WWTR1: variants seen among roughly 807,000 people sequenced by gnomAD.
WWTR1 encodes WW domain containing transcription regulator 1.
A neutral mutation model predicts 40.1 loss-of-function variants in WWTR1; 13 were observed. The observed-to-expected ratio is 0.32, with a 90% CI of 0.21 to 0.52. The LOEUF (loss-of-function observed/expected upper bound fraction) is 0.52. Among genes scored for constraint, WWTR1 ranks in the 20% least tolerant of loss-of-function variants. The pLI, the probability that WWTR1 is intolerant of heterozygous loss-of-function variation, is 0.97. For synonymous variants in WWTR1, 230 were observed against 210.1 expected, an observed-to-expected ratio of 1.09 and a Z score of -0.82; for missense variants, 436 against 523.1, an observed-to-expected ratio of 0.83 and a Z score of 1.63.
At chr3:149,673,298 T>G (rs1253452330) in intron 1 of WWTR1, among the ~76,000 whole-genome samples, 1 of 152,190 alleles carries the variant, frequency 6.6e-6, no homozygotes, top group Admixed American at 6.5e-5. Flanking sequence ...TTCAATGACG[T>G]AATTTCATAG....
intron 4 of WWTR1, among the ~76,000 whole-genome samples, chr3:149,535,617 G>C (rs1735792608): frequency 6.6e-6 from 1 of 151,330 alleles, no homozygotes; most frequent in African/African-American, 2.4e-5. Flanking sequence ...AGTGCATAAA[G>C]CAAATTTGTA....
intron 3 of WWTR1, among the ~76,000 whole-genome samples, chr3:149,545,561 A>C (rs2107943897): frequency 6.6e-6 from 1 of 152,276 alleles, no homozygotes; most frequent in East Asian, 1.9e-4. Flanking sequence ...TCACTCTATC[A>C]CCCAGGCTGG....
intron 1 of WWTR1, among the ~76,000 whole-genome samples, chr3:149,680,104 A>G (rs530337737): frequency 6.6e-6 from 1 of 152,350 alleles, no homozygotes; most frequent in Admixed American, 6.5e-5. Context: ...TTTACTGTCC[A>G]AGAGAGGTAC....
rs1310509340 is a variant in WWTR1 at position 149,622,406 on chromosome 3, T to C, written c.431+34470A>G. On this transcript the variant is annotated intron_variant, in intron 2 of 6. Coordinates refer to ENST00000360632, the MANE Select transcript of WWTR1 (RefSeq NM_015472.6). ...AAATAACATATAACAATGATAATTA[T>C]CTTTTTGTACTTACAACCAAACCAT... Among the ~76,000 whole-genome samples, 7 of 149,088 alleles carry C rather than the reference T, an allele frequency of 4.7e-5. No individual in the cohort carries two copies. In the East Asian group the frequency reaches 1.4e-3, roughly 29 times the overall value.
chr3:149,643,450 A>C (rs1312739616), intron 2 of WWTR1, among the ~76,000 whole-genome samples: 1 of 152,212 alleles, frequency 6.6e-6, no homozygotes, highest in East Asian at 1.9e-4. Flanking sequence ...AGTAATGATC[A>C]TATCAATTAG....
At chr3:149,606,468 T>A (rs1028960023) in intron 2 of WWTR1, among the ~76,000 whole-genome samples, 1 of 152,132 alleles carries the variant, frequency 6.6e-6, no homozygotes, top group Non-Finnish European at 1.5e-5. Flanking sequence ...AACATTATAA[T>A]ATATAGGTCA....
chr3:149,563,010 C>T (rs187366794), intron 3 of WWTR1, among the ~76,000 whole-genome samples: 26 of 152,190 alleles, frequency 1.7e-4, no homozygotes, highest in African/African-American at 2.9e-4. Context: ...CAAACCACCT[C>T]GAATCCCACT....
chr3:149,656,779 TCTCTCTCTCTCTCACA>T, intron 2 of WWTR1, 81 bp downstream of exon 2: 1 of 1,046,182 alleles, frequency 9.6e-7, no homozygotes, highest in Non-Finnish European at 1.3e-6. Flanking sequence ...TCTCTCTCTC[TCTCTCTCTCTCTCACA>T]CACACACACA....
At position 149,605,231 on chromosome 3, in the gene WWTR1, ATC is replaced by A. The variant is rs1423381390; in HGVS notation, c.432-32233_432-32232del. ...TTCAAAGCACATGCATAATTAAGAC[ATC>A]TGTCTTTTTAGAAAATCACTTTGGC... On this transcript the variant is annotated intron_variant, in intron 2 of 6. Transcript: ENST00000360632. Among the ~76,000 whole-genome samples the A allele has an allele frequency of 4.6e-5, 7 of 152,170 alleles. No homozygotes were observed. In the East Asian group the frequency reaches 1.2e-3, roughly 25 times the overall value.
intron 2 of WWTR1, among the ~76,000 whole-genome samples, chr3:149,626,661 G>A (rs1370156210): frequency 2.6e-5 from 4 of 151,948 alleles, no homozygotes; most frequent in African/African-American, 9.7e-5. Flanking sequence ...CATACTCCAA[G>A]GGAAGATACC....
intron 2 of WWTR1, among the ~76,000 whole-genome samples, chr3:149,579,705 G>A (rs1738053225): frequency 6.6e-6 from 1 of 152,162 alleles, no homozygotes; most frequent in Admixed American, 6.6e-5. Context: ...CCCCATTTAA[G>A]TATAAGCAAA....
intron 3 of WWTR1, among the ~76,000 whole-genome samples, chr3:149,561,688 G>A (rs949376774): frequency 3.9e-5 from 6 of 152,152 alleles, no homozygotes; most frequent in Admixed American, 1.3e-4. Context: ...GTATCTCAAC[G>A]GAGTGGAACA....
intron 5 of WWTR1, among the ~76,000 whole-genome samples, chr3:149,527,259 A>G (rs1735364250): frequency 6.6e-6 from 1 of 151,752 alleles, no homozygotes. Flanking sequence ...GGTTCAAGCA[A>G]TTCTCAGCCT....
chr3:149,655,639 AAAC>A (rs1301831321), intron 2 of WWTR1, among the ~76,000 whole-genome samples: 4 of 152,200 alleles, frequency 2.6e-5, no homozygotes, highest in Non-Finnish European at 2.9e-5. Context: ...CCAATCTCAG[AAAC>A]AACAAAAGAA....
chr3:149,618,676 G>A (rs1032325718), intron 2 of WWTR1, among the ~76,000 whole-genome samples: 21 of 152,214 alleles, frequency 1.4e-4, no homozygotes, highest in African/African-American at 4.8e-4. Flanking sequence ...GGGTTTTGAG[G>A]AGTATATAGG....
chr3:149,622,225 G>C (rs1208816134), intron 2 of WWTR1, among the ~76,000 whole-genome samples: 1 of 151,874 alleles, frequency 6.6e-6, no homozygotes, highest in Non-Finnish European at 1.5e-5. Flanking sequence ...AGCAAATTTG[G>C]GATGTTGTTA....
At chr3:149,631,732 G>T (rs1711556075) in intron 2 of WWTR1, among the ~76,000 whole-genome samples, 1 of 152,024 alleles carries the variant, frequency 6.6e-6, no homozygotes, top group Non-Finnish European at 1.5e-5. Context: ...GTAGTGACTG[G>T]AGCACAAATC....
intron 5 of WWTR1, among the ~76,000 whole-genome samples, chr3:149,711,161 T>TAAAA (rs1237527926): frequency 1.7e-5 from 2 of 114,946 alleles, no homozygotes; most frequent in Admixed American, 9.4e-5. Context: ...ACACACTTGC[T>TAAAA]AAAAAAAAAA....
intron 2 of WWTR1, among the ~76,000 whole-genome samples, chr3:149,590,647 A>C (rs534198404): frequency 6.6e-6 from 1 of 152,220 alleles, no homozygotes; most frequent in South Asian, 2.1e-4. Context: ...ACTCCGTCTC[A>C]AAAAAAAGAT....
Sources: allele counts gnomAD v4.1 joint callset (sites outside exome capture counted in the v4.1 genomes callset), GRCh38; gene constraint gnomAD v4.1.1; transcripts MANE v1.5; gene names NCBI Gene and HGNC (gene_info 2026-07-23, HGNC 2026-07-21).